Variants in PDGFRB observed in about 807,000 individuals in gnomAD.
PDGFRB encodes platelet derived growth factor receptor beta.
PDGFRB carries 42 observed loss-of-function variants against 120.2 expected under a neutral mutation model. That is an observed-to-expected ratio of 0.35 (90% confidence interval 0.27 to 0.45). The LOEUF is 0.45. PDGFRB is among the 20% of genes least tolerant of loss of function. PDGFRB has a pLI of 1.00. For synonymous variants in PDGFRB, 586 were observed against 606.8 expected (o/e 0.97, Z 0.50); for missense variants, 1,149 against 1,476.3 (o/e 0.78, Z 3.63).
At chr5:150,118,159 G>T (rs1229165908) in intron 21 of PDGFRB, among the ~76,000 whole-genome samples, 1 of 152,140 alleles carries the variant, frequency 6.6e-6, no homozygotes, top group African/African-American at 2.4e-5. Context: ...CTTCTTCAGG[G>T]CCTCAGTTTC....
In PDGFRB at chr5:150,115,896, G is replaced by A; in HGVS notation, c.3188C>T (p.Pro1063Leu). ...CTCTGGTTCGTCCTGGGGCTCCAGG[G>A]GGCTGTCACAGGAGATGGTTGAGGA... ...NTSSTISCDS[P>L]LEPQDEPEPE... Residue 1063 changes from proline (P) to leucine (L), a missense_variant, in exon 23 of 23, where the codon CCC becomes CTC. By Grantham distance (98) the Pro-to-Leu change is moderately conservative. Coordinates refer to ENST00000261799, the MANE Select transcript of PDGFRB (RefSeq NM_002609.4). 1 of 1,605,310 alleles carries A rather than the reference G, an allele frequency of 6.2e-7. No homozygotes were observed. Among genetic ancestry groups the A allele is most frequent in the Non-Finnish European group, 8.5e-7 (1 of 1,175,196 alleles).
chr5:150,117,483 A>G (rs1376854988), intron 22 of PDGFRB, 135 bp downstream of exon 22: 2 of 597,032 alleles, frequency 3.3e-6, no homozygotes, highest in Non-Finnish European at 6.0e-6. Flanking sequence ...ATTGGTAGGG[A>G]TAAGTACTTA....
rs1562006142 is a variant in PDGFRB, at chr5:150,132,125, CGGAAG to C, written c.1128-36_1128-32del. The C allele has an allele frequency of 5.1e-6, 6 of 1,181,534 alleles. No homozygotes were observed. The highest frequency in any genetic ancestry group is 2.3e-5 in the East Asian group (1 of 42,742). The allele number at this position is 1,181,534 out of a possible 1,614,324, so 73.2% of individuals were successfully genotyped here. On this transcript the variant is annotated intron_variant, in intron 7 of 22. Coordinates refer to ENST00000261799, the MANE Select transcript of PDGFRB (RefSeq NM_002609.4). The surrounding 1 kb of genome is among the most constrained non-coding windows in gnomAD (Gnocchi z 5.0). ...GAGCAGGAAAGGCAGCTGTCAGAGT[CGGAAG>C]GACTCTTACAGTTCTCCCCACCCTC...
Position 150,115,652 on chromosome 5 carries a change from A to C in PDGFRB, c.*111T>G. 1.6e-5 allele frequency: 16 copies of C among 987,410 alleles called. No individual in the cohort carries two copies. Among genetic ancestry groups the C allele is most frequent in the Non-Finnish European group, 2.0e-5 (14 of 698,354 alleles). The allele number at this position is 987,410 out of a possible 1,614,324, so 61.2% of individuals were successfully genotyped here. A position where few individuals can be genotyped will look rare whatever the true frequency, so the allele number is the denominator to read the frequency against. On this transcript the variant is annotated 3_prime_UTR_variant, in exon 23 of 23. Transcript: ENST00000261799. ...AGGAGCAGAAAGCTTCCAGAAGGGG[A>C]CAGCTGATAAGGGCAGCCTGGCTGA...
intron 13 of PDGFRB, 177 bp from the exon 14 acceptor site, chr5:150,124,537 C>A: frequency 3.2e-6 from 2 of 625,860 alleles, no homozygotes; most frequent in Middle Eastern, 3.7e-4. Context: ...GGGAAGCAGG[C>A]CGAGGAGGCC....
Position 150,127,600 on chromosome 5 carries a change from C to T in PDGFRB, c.1580-986G>A, listed in dbSNP as rs142089052. On this transcript the variant is annotated intron_variant, in intron 10 of 22. Coordinates refer to ENST00000261799, the MANE Select transcript of PDGFRB (RefSeq NM_002609.4). ...CCTGTAATCCCAGCACTTTGGGAGG[C>T]CAAGGTGGGCGGATCACGAGGTCAG... Among the ~76,000 whole-genome samples the T allele has an allele frequency of 5.4e-4, 82 of 152,166 alleles. 3 individuals are homozygous for T. In the East Asian group the frequency reaches 0.015, roughly 28 times the overall value.
chr5:150,137,077 G>A (rs754399458), intron 1 of PDGFRB, 24 bp from the exon 2 acceptor site: 12 of 1,607,480 alleles, frequency 7.5e-6, no homozygotes, highest in South Asian at 1.1e-5. Flanking sequence ...CAGGAGTCAG[G>A]GCCCAGGGCA....
rs869031744 is a variant in PDGFRB, at chr5:150,132,707, GA to G, written c.1127+42del. 9 of 1,579,420 alleles carry G rather than the reference GA, an allele frequency of 5.7e-6. No homozygotes were observed. Among genetic ancestry groups the G allele is most frequent in the Non-Finnish European group, 6.9e-6 (8 of 1,158,728 alleles). ...CCGAGGGCTGCCTGGCGGCTGCAAA[GA>G]AAAATAACTTCAAGAATGGGATGGG... On this transcript the variant is annotated intron_variant, in intron 7 of 22. Transcript: ENST00000261799. This position sits in a 1 kb window ranked among gnomAD's most constrained non-coding sequence, Gnocchi z 5.0.
chr5:150,153,887 G>A (rs1295994792), intron 1 of PDGFRB: 2 of 152,176 alleles, frequency 1.3e-5, no homozygotes, highest in African/African-American at 4.8e-5. Flanking sequence ...GGAGCAGAAG[G>A]TCTTCAGTGA....
At chr5:150,149,630 G>A (rs553915141) in intron 1 of PDGFRB, among the ~76,000 whole-genome samples, 42 of 152,296 alleles carry the variant, frequency 2.8e-4, no homozygotes, top group African/African-American at 1.0e-3. Flanking sequence ...CACTGATAAG[G>A]ACACAAATAC....
At position 150,126,540 on chromosome 5, in the gene PDGFRB, G is replaced by A. The variant is rs576771944; in HGVS notation, c.1654C>T (p.Leu552Phe). ...CTTACCTTCTGCCAAAGCATGATGA[G>A]GATGATAAGGGAGATGATGGTGAGC... is the stretch of plus-strand genomic sequence containing the variant. Reference protein sequence around the residue: ...VVLTIISLIILIMLWQKKPRY... With the variant: ...VVLTIISLIIFIMLWQKKPRY... The change falls in exon 11 of 23, where the codon CTC (leucine) becomes TTC (phenylalanine). Residue 552 changes from leucine to phenylalanine, a missense_variant. Physicochemically the swap from Leu to Phe is conservative, Grantham distance 22. Around this residue, in one of 3 missense-constraint regions of PDGFRB, gnomAD observed 879 missense variants for 1,108.6 expected, o/e 0.79. Coordinates refer to ENST00000261799, the MANE Select transcript of PDGFRB (RefSeq NM_002609.4). 3.0e-5 allele frequency: 48 copies of A among 1,599,556 alleles called. No individual in the cohort carries two copies. The highest frequency in any genetic ancestry group is 3.6e-5 in the Non-Finnish European group (42 of 1,166,950).
rs1002809655 is a variant in PDGFRB, at chr5:150,117,855, T to C, written c.2905-5A>G. The C allele has an allele frequency of 1.3e-6, 2 of 1,570,338 alleles. No homozygotes were observed. Among genetic ancestry groups the C allele is most frequent in the Non-Finnish European group, 1.7e-6 (2 of 1,144,108 alleles). ...CTCATCCACCTGCTGGTACTTCTGC[T>C]CCCGGGGCAGGGAGAACCAAAGAAA... On this transcript the variant is annotated splice_region_variant and splice_polypyrimidine_tract_variant and intron_variant, in intron 21 of 22. Transcript: ENST00000261799.
intron 1 of PDGFRB, among the ~76,000 whole-genome samples, chr5:150,141,450 G>A (rs751889836): frequency 6.6e-6 from 1 of 152,220 alleles, no homozygotes; most frequent in Non-Finnish European, 1.5e-5. Context: ...CCATTTTACA[G>A]TGGGGAAACT....
At chr5:150,150,870 C>T (rs61124272) in intron 1 of PDGFRB, among the ~76,000 whole-genome samples, 30,524 of 151,982 alleles carry the variant, frequency 0.2, 3,206 homozygotes, top group Middle Eastern at 0.28. Context: ...GGTTTGAAAA[C>T]GCAGCACTGG....
At position 150,134,916 on chromosome 5, in the gene PDGFRB, C is replaced by T. The variant is rs950743987; in HGVS notation, c.465G>A (p.Gln155=). ...ITIPCRVTDP[Q]LVVTLHEKKG... ...TCTTCTCGTGCAGTGTCACCACCAGCTGTGGGTCTGTTACTCGGCATGGAA... is the reference window on the plus strand; with the variant it reads ...TCTTCTCGTGCAGTGTCACCACCAGTTGTGGGTCTGTTACTCGGCATGGAA... The change falls in exon 4 of 23, where the codon CAG becomes CAA. Residue 155 remains glutamine, a synonymous_variant. Coordinates refer to ENST00000261799, the MANE Select transcript of PDGFRB (RefSeq NM_002609.4). The T allele has an allele frequency of 1.2e-6, 2 of 1,613,792 alleles. No homozygotes were observed. The highest frequency in any genetic ancestry group is 2.2e-5 in the South Asian group (2 of 91,082).
intron 1 of PDGFRB, among the ~76,000 whole-genome samples, chr5:150,143,840 A>G (rs1459246919): frequency 6.6e-6 from 1 of 152,140 alleles, no homozygotes. Flanking sequence ...GAGAAGGCTC[A>G]GTGCTCCACC....
chr5:150,134,618 A>G (rs1760570541), intron 4 of PDGFRB, 132 bp downstream of exon 4: 3 of 816,302 alleles, frequency 3.7e-6, no homozygotes, highest in Admixed American at 2.9e-5. Context: ...GGAAAACACT[A>G]TCTTCCTTCG....
chr5:150,123,061 C>G lies in PDGFRB; in HGVS notation c.2164G>C (p.Val722Leu), dbSNP rs142689325. 3.7e-6 allele frequency: 6 copies of G among 1,613,296 alleles called. No homozygotes were observed. Among genetic ancestry groups the G allele is most frequent in the Non-Finnish European group, 5.1e-6 (6 of 1,179,888 alleles). ...SAELYSNALP[V>L]GLPLPSHVSL... ...TGGTACCTGGGCAGGGGGAGCCCAA[C>G]GGGCAGAGCATTGCTGTAGAGCTCC... The change falls in exon 15 of 23, where the codon GTT (valine) becomes CTT (leucine). Residue 722 changes from valine to leucine, a missense_variant. Physicochemically the swap from Val to Leu is conservative, Grantham distance 32. Around this residue, in one of 3 missense-constraint regions of PDGFRB, gnomAD observed 879 missense variants for 1,108.6 expected, o/e 0.79. Coordinates refer to ENST00000261799, the MANE Select transcript of PDGFRB (RefSeq NM_002609.4).
At chr5:150,129,428 A>G (rs892894644) in intron 10 of PDGFRB, among the ~76,000 whole-genome samples, 5 of 152,068 alleles carry the variant, frequency 3.3e-5, no homozygotes, top group African/African-American at 1.2e-4. Context: ...GACGATTTAC[A>G]TATCTACACA....
Sources: allele counts gnomAD v4.1 joint callset (sites outside exome capture counted in the v4.1 genomes callset), GRCh38; gene constraint gnomAD v4.1.1; regional missense constraint gnomAD v4.1.1; non-coding constraint Gnocchi (gnomAD v3.1); transcripts MANE v1.5; gene names NCBI Gene and HGNC (gene_info 2026-07-23, HGNC 2026-07-21).